ATP9B: variants seen among roughly 807,000 people sequenced by gnomAD.
ATP9B encodes probable phospholipid-transporting ATPase IIB.
Under a neutral mutation model 146.1 loss-of-function variants are expected in ATP9B, and 110 were observed. The observed-to-expected ratio is 0.75, with a 90% confidence interval of 0.65 to 0.88. ATP9B has a LOEUF of 0.88. Among genes scored for constraint, ATP9B ranks in the 40% least tolerant of loss-of-function variants. The probability of loss-of-function intolerance (pLI) is 0.00; values close to 1 mark genes in which losing one functional copy is unlikely to be tolerated. For missense variants in ATP9B, 1,499 were observed against 1,496.4 expected (o/e 1.00, Z -0.03); for synonymous variants, 604 against 569.7 (o/e 1.06, Z -0.86).
intron 17 of ATP9B, 58 bp downstream of exon 17, chr18:79,330,162 G>T: frequency 6.8e-7 from 1 of 1,469,452 alleles, no homozygotes; most frequent in Non-Finnish European, 9.5e-7. Flanking sequence ...AGGTATGTGA[G>T]TGACTCTCAG....
Position 79,069,425 on chromosome 18 carries a change from C to T in ATP9B, c.15C>T (p.Ile5=), listed in dbSNP as rs374611661. 3.4e-5 allele frequency: 52 copies of T among 1,516,072 alleles called. No homozygotes were observed. In the Middle Eastern group the frequency reaches 1.0e-3, roughly 30 times the overall value. The allele number at this position is 1,516,072 out of a possible 1,614,324, so 93.9% of individuals were successfully genotyped here. The part of the protein sequence containing the change: MADQ[I]PLYPVRSAAA... ...GCGGTCGGAACATGGCGGACCAGAT[C>T]CCGCTTTACCCGGTGCGTAGCGCAG... The change falls in exon 1 of 30, where the codon ATC becomes ATT. Residue 5 remains isoleucine (I), a synonymous_variant. Transcript: ENST00000426216.
At chr18:79,362,569 A>G (rs569313692) in intron 26 of ATP9B, 1 of 152,376 alleles carries the variant, frequency 6.6e-6, no homozygotes, top group South Asian at 2.1e-4. Context: ...GGATGCCAGT[A>G]AGACGGGAAA....
chr18:79,377,543 C>A lies in ATP9B; in HGVS notation c.*160C>A. 1.0e-6 allele frequency: 1 copy of A among 956,912 alleles called. No individual in the cohort carries two copies. The highest frequency in any genetic ancestry group is 1.5e-6 in the Non-Finnish European group (1 of 654,348). 59.3% of individuals were successfully genotyped at this position (956,912 alleles called of 1,614,324 possible). On this transcript the variant is annotated 3_prime_UTR_variant, in exon 30 of 30. Transcript: ENST00000426216. ...GCCCAGGGCACAGATGCTGAGACAG[C>A]CTCTCCTTCTCAGTGCAGGGACGTC... is the stretch of plus-strand genomic sequence containing the variant.
chr18:79,194,637 G>GA (rs1315441320), intron 9 of ATP9B: 2 of 152,204 alleles, frequency 1.3e-5, no homozygotes, highest in African/African-American at 4.8e-5. Flanking sequence ...ATTCCCTTAA[G>GA]ATAATGGTGG....
At chr18:79,179,405 T>C (rs1344265203) in intron 8 of ATP9B, among the ~76,000 whole-genome samples, 1 of 152,140 alleles carries the variant, frequency 6.6e-6, no homozygotes, top group African/African-American at 2.4e-5. Context: ...TTATAAACTT[T>C]CAGAGCTGTA....
intron 7 of ATP9B, among the ~76,000 whole-genome samples, chr18:79,175,889 C>T (rs2095160439): frequency 6.6e-6 from 1 of 152,188 alleles, no homozygotes; most frequent in African/African-American, 2.4e-5. Flanking sequence ...CACAGATGAA[C>T]ATGCATGTAT....
chr18:79,117,745 T>A (rs1259429755), intron 4 of ATP9B: 1 of 152,220 alleles, frequency 6.6e-6, no homozygotes, highest in East Asian at 1.9e-4. Flanking sequence ...ATTTTGAAAG[T>A]TGTTGTTGAA....
At chr18:79,166,908 G>A (rs1418410994) in intron 7 of ATP9B, among the ~76,000 whole-genome samples, 2 of 152,170 alleles carry the variant, frequency 1.3e-5, no homozygotes, top group Non-Finnish European at 2.9e-5. Context: ...GTGTGTGAGC[G>A]AGCGTGGGAT....
intron 10 of ATP9B, among the ~76,000 whole-genome samples, chr18:79,210,006 G>A (rs916082197): frequency 1.3e-5 from 2 of 152,144 alleles, no homozygotes; most frequent in African/African-American, 2.4e-5. Flanking sequence ...CTCTGGAGGG[G>A]AAGTGAACTC....
At chr18:79,225,702 G>T (rs1361406302) in intron 11 of ATP9B, among the ~76,000 whole-genome samples, 1 of 134,142 alleles carries the variant, frequency 7.5e-6, no homozygotes, top group Admixed American at 7.3e-5. Context: ...TCCCGCAGTT[G>T]CAGGGCGGCC....
chr18:79,356,478 AC>A (rs1315252831), intron 25 of ATP9B, among the ~76,000 whole-genome samples: 1 of 152,230 alleles, frequency 6.6e-6, no homozygotes, highest in Admixed American at 6.5e-5. Context: ...ACTAGGACCA[AC>A]CCAGATGTAA....
intron 4 of ATP9B, chr18:79,114,868 A>C (rs1003160581): frequency 5.9e-5 from 9 of 152,908 alleles, no homozygotes; most frequent in African/African-American, 2.2e-4. Flanking sequence ...AAAGACCTGA[A>C]AACCAGATTC....
At chr18:79,362,670 T>A (rs2096997186) in intron 26 of ATP9B, 1 of 152,228 alleles carries the variant, frequency 6.6e-6, no homozygotes, top group Admixed American at 6.5e-5. Flanking sequence ...TACTCCAAGA[T>A]CCAGGCATCA....
chr18:79,201,358 T>C (rs558643247), intron 9 of ATP9B, among the ~76,000 whole-genome samples: 1 of 152,306 alleles, frequency 6.6e-6, no homozygotes, highest in South Asian at 2.1e-4. Context: ...AACTGGGCAT[T>C]GTTAAGGAGT....
intron 7 of ATP9B, among the ~76,000 whole-genome samples, chr18:79,155,753 CTTTTTTTT>C (rs56002235): frequency 1.5e-3 from 110 of 74,078 alleles, no homozygotes; most frequent in African/African-American, 7.1e-3. Flanking sequence ...TGTTTTCTCT[CTTTTTTTT>C]TTTTTTTTTT....
rs181628066 is a variant in ATP9B, at chr18:79,337,070, A to G, written c.2113-209A>G. Among the ~76,000 whole-genome samples, 152 of 149,448 alleles carry G rather than the reference A, an allele frequency of 1.0e-3. 1 individual carries two copies. The highest frequency in any genetic ancestry group is 1.9e-3 in the Non-Finnish European group (126 of 67,338). ...CTGTCCAGCTCTGTGGAGTACACAC[A>G]CGGAGCACGTACACGTGTGCACACA... On this transcript the variant is annotated intron_variant, in intron 18 of 29. Coordinates refer to ENST00000426216, the MANE Select transcript of ATP9B (RefSeq NM_198531.5).
chr18:79,140,685 CAGG>C (rs1385812836), intron 5 of ATP9B, among the ~76,000 whole-genome samples: 1 of 152,124 alleles, frequency 6.6e-6, no homozygotes, highest in Non-Finnish European at 1.5e-5. Flanking sequence ...GAGGCTGAGG[CAGG>C]AGAATCACTT....
chr18:79,086,628 A>C (rs1167307290), intron 1 of ATP9B, among the ~76,000 whole-genome samples: 1 of 152,042 alleles, frequency 6.6e-6, no homozygotes, highest in East Asian at 1.9e-4. Flanking sequence ...TATAGCTTCA[A>C]ATTTTTGGGT....
chr18:79,166,183 T>C (rs1302182003), intron 7 of ATP9B, among the ~76,000 whole-genome samples: 1 of 152,190 alleles, frequency 6.6e-6, no homozygotes, highest in Non-Finnish European at 1.5e-5. Flanking sequence ...TTTCTGAGGA[T>C]GTCGTTGAGA....
Sources: gnomAD v4.1 joint callset for allele counts (sites outside exome capture counted in the v4.1 genomes callset) on GRCh38, gnomAD v4.1.1 for gene constraint, MANE v1.5 for transcripts, NCBI Gene and HGNC (gene_info 2026-07-23, HGNC 2026-07-21) for gene names.